Variants in IGSF11 observed in about 807,000 individuals in gnomAD.
The protein encoded by IGSF11 is immunoglobulin superfamily member 11.
IGSF11 carries 22 observed loss-of-function variants against 41.0 expected under a neutral mutation model. The ratio of observed to expected loss-of-function variants is 0.54; its 90% CI spans 0.38 to 0.77. The LOEUF (loss-of-function observed/expected upper bound fraction) is 0.77. IGSF11 is among the 30% of genes least tolerant of loss of function. The pLI is 0.00. For missense variants in IGSF11, 444 were observed against 530.8 expected (o/e 0.84, Z 1.61); for synonymous variants, 219 against 201.3 (o/e 1.09, Z -0.74).
At chr3:119,075,434 T>C (rs1031147203) in intron 1 of IGSF11, among the ~76,000 whole-genome samples, 2 of 151,876 alleles carry the variant, frequency 1.3e-5, no homozygotes, top group Non-Finnish European at 2.9e-5. Flanking sequence ...CTGAAACTAT[T>C]CCAAAAAAAC....
In IGSF11 at chr3:118,930,162, T is replaced by TA; in HGVS notation, c.165_166insT (p.Asn56Ter). 6.2e-7 allele frequency: 1 copy of TA among 1,613,856 alleles called. No homozygotes were observed. The highest frequency in any genetic ancestry group is 2.2e-5 in the East Asian group (1 of 44,868). ...AGAGGAGTGACCATCCAAATGACATTGAGGTTAATGAGGGCAGCGCTGGTA... is the reference window on the plus strand; with the variant it reads ...AGAGGAGTGACCATCCAAATGACATTAGAGGTTAATGAGGGCAGCGCTGGTA... On this transcript the variant is annotated frameshift_variant, in exon 2 of 7. Transcript: ENST00000393775. LOFTEE classifies it high-confidence loss of function.
chr3:118,981,634 A>G lies in IGSF11; in HGVS notation c.53-51359T>C, dbSNP rs539345879. ...GTGACCACTTCCCTGTGGGACAGCT[A>G]AACAGAGCCTATTAGACTTGCTCCA... On this transcript the variant is annotated intron_variant, in intron 1 of 6. Transcript: ENST00000393775. 6.9e-4 allele frequency among the ~76,000 whole-genome samples: 105 copies of G among 152,280 alleles called. 1 individual carries two copies. In the East Asian group the frequency reaches 0.016, roughly 24 times the overall value.
intron 1 of IGSF11, among the ~76,000 whole-genome samples, chr3:119,056,922 G>A (rs550465045): frequency 2.6e-5 from 4 of 152,172 alleles, no homozygotes; most frequent in African/African-American, 7.2e-5. Context: ...AAATTCAACA[G>A]CCCTTCATGC....
chr3:118,977,282 T>C (rs545338858), intron 1 of IGSF11, among the ~76,000 whole-genome samples: 1 of 152,278 alleles, frequency 6.6e-6, no homozygotes, highest in Admixed American at 6.5e-5. Context: ...GAGGTCTATT[T>C]CTGTTGCCCT....
chr3:119,061,911 C>T (rs370025047), intron 1 of IGSF11, among the ~76,000 whole-genome samples: 7 of 151,816 alleles, frequency 4.6e-5, no homozygotes, highest in South Asian at 4.2e-4. Context: ...AAGGTAAATG[C>T]GAAATAGAGC....
intron 1 of IGSF11, among the ~76,000 whole-genome samples, chr3:119,073,692 C>G (rs949945143): frequency 6.6e-6 from 1 of 152,192 alleles, no homozygotes; most frequent in Admixed American, 6.5e-5. Context: ...GCCGGCTGCT[C>G]CAAGTGTGGG....
chr3:119,078,948 A>G (rs1320804781), intron 1 of IGSF11, among the ~76,000 whole-genome samples: 1 of 152,226 alleles, frequency 6.6e-6, no homozygotes, highest in Non-Finnish European at 1.5e-5. Flanking sequence ...AAGAAGACAT[A>G]CAAGTGGCCA....
intron 1 of IGSF11, 78 bp downstream of exon 1, chr3:119,034,453 G>C (rs1277921731): frequency 2.3e-6 from 3 of 1,327,652 alleles, no homozygotes; most frequent in Non-Finnish European, 3.0e-6. Flanking sequence ...GAGGCTCTTT[G>C]CCGTCCCCAA....
chr3:118,920,348 A>T (rs1003503050), intron 4 of IGSF11, among the ~76,000 whole-genome samples: 2 of 145,554 alleles, frequency 1.4e-5, no homozygotes, highest in African/African-American at 5.0e-5. Flanking sequence ...AATTAAATAA[A>T]TAAATAAATA....
chr3:119,048,042 G>A (rs1274777081), intron 1 of IGSF11, among the ~76,000 whole-genome samples: 1 of 151,502 alleles, frequency 6.6e-6, no homozygotes, highest in Admixed American at 6.6e-5. Flanking sequence ...ACAAGAGAAA[G>A]CAGGAAAGAT....
chr3:119,090,060 A>G (rs1034183900), intron 1 of IGSF11, among the ~76,000 whole-genome samples: 1 of 152,166 alleles, frequency 6.6e-6, no homozygotes, highest in African/African-American at 2.4e-5. Context: ...AAAGATACAA[A>G]GTCAATATAC....
chr3:119,061,458 T>C (rs1250432141), intron 1 of IGSF11, among the ~76,000 whole-genome samples: 2 of 152,160 alleles, frequency 1.3e-5, no homozygotes, highest in African/African-American at 4.8e-5. Context: ...TTGACCAATG[T>C]AGGATGGGAC....
At chr3:119,106,817 T>C (rs2077037592), upstream of IGSF11, among the ~76,000 whole-genome samples, 1 of 150,662 alleles carries the variant, frequency 6.6e-6, no homozygotes, top group Admixed American at 6.6e-5. Context: ...AATTCCCACC[T>C]ATGAGTGAGA....
intron 4 of IGSF11, among the ~76,000 whole-genome samples, chr3:118,913,947 G>T (rs528466815): frequency 5.1e-4 from 78 of 152,272 alleles, no homozygotes; most frequent in Non-Finnish European, 9.1e-4. Flanking sequence ...CCAAAAAATG[G>T]CTAATAGGAG....
At chr3:119,105,232 G>C (rs752074106), upstream of IGSF11, 6 of 1,319,602 alleles carry the variant, frequency 4.5e-6, no homozygotes, top group East Asian at 2.3e-5. Context: ...CAGGGGAAGA[G>C]AGACTTTATG....
intron 1 of IGSF11, among the ~76,000 whole-genome samples, chr3:119,053,547 C>T (rs1234943235): frequency 6.6e-6 from 1 of 152,164 alleles, no homozygotes; most frequent in Non-Finnish European, 1.5e-5. Context: ...ATATCCCATG[C>T]TCATGGATGG....
At chr3:119,018,902 T>C (rs1939014495) in intron 1 of IGSF11, among the ~76,000 whole-genome samples, 1 of 152,222 alleles carries the variant, frequency 6.6e-6, no homozygotes, top group South Asian at 2.1e-4. Flanking sequence ...TGGCTTGCCA[T>C]CCTTTGGCAC....
intron 1 of IGSF11, among the ~76,000 whole-genome samples, chr3:118,976,990 G>T (rs1192659154): frequency 6.6e-6 from 1 of 152,170 alleles, no homozygotes; most frequent in Admixed American, 6.5e-5. Flanking sequence ...GCTCTTAGGG[G>T]TCTAAGCCAG....
In IGSF11 at chr3:119,097,449, G is replaced by A. The variant is rs1350456641; in HGVS notation, c.49+7695C>T. On this transcript the variant is annotated intron_variant, in intron 1 of 6. Transcript: ENST00000354673. ...CTCTGGGGAGCAAACTGCTTATGGA[G>A]AGCACACATTTCACTACTCCTCCAG... 1.3e-5 allele frequency among the ~76,000 whole-genome samples: 2 copies of A among 152,140 alleles called. 1 individual carries two copies. The highest frequency in any genetic ancestry group is 4.8e-5 in the African/African-American group (2 of 41,438).
Sources: allele counts gnomAD v4.1 joint callset (sites outside exome capture counted in the v4.1 genomes callset), GRCh38; gene constraint gnomAD v4.1.1; transcripts MANE v1.5; gene names NCBI Gene and HGNC (gene_info 2026-07-23, HGNC 2026-07-21).